WWOX: variants seen among roughly 807,000 people sequenced by gnomAD.
WWOX encodes WW domain-containing oxidoreductase.
A neutral mutation model predicts 46.2 loss-of-function variants in WWOX; 69 were observed. The ratio of observed to expected loss-of-function variants is 1.49; its 90% confidence interval spans 1.23 to 1.82. WWOX has a LOEUF of 1.82. Ranked by LOEUF, WWOX falls within the 40% of genes most tolerant of loss-of-function variation. WWOX has a pLI of 0.00. For synonymous variants in WWOX, 359 were observed against 202.6 expected (o/e 1.77, Z -6.56); for missense variants, 919 against 542.6 (o/e 1.69, Z -6.89).
intron 8 of WWOX, among the ~76,000 whole-genome samples, chr16:79,069,646 G>A (rs142880799): frequency 1.3e-5 from 2 of 150,100 alleles, no homozygotes; most frequent in African/African-American, 4.9e-5. Context: ...TTTCTGGACT[G>A]AAAAAAAATA....
At chr16:78,271,709 A>G (rs527325972) in intron 5 of WWOX, among the ~76,000 whole-genome samples, 3 of 152,206 alleles carry the variant, frequency 2.0e-5, no homozygotes, top group Non-Finnish European at 2.9e-5. Context: ...TAATTTTTCT[A>G]GCAGTGAAAA....
At chr16:78,557,428 G>T (rs972470514) in intron 8 of WWOX, among the ~76,000 whole-genome samples, 4 of 152,112 alleles carry the variant, frequency 2.6e-5, no homozygotes, top group African/African-American at 7.2e-5. Flanking sequence ...GCACGTGCAG[G>T]CACCATTCTA....
At chr16:78,580,838 T>C (rs1210601749) in intron 8 of WWOX, among the ~76,000 whole-genome samples, 1 of 152,238 alleles carries the variant, frequency 6.6e-6, no homozygotes, top group Non-Finnish European at 1.5e-5. Context: ...TCAACACCTA[T>C]GCCTCTTTCA....
chr16:78,323,467 T>C (rs948887197), intron 5 of WWOX, among the ~76,000 whole-genome samples: 2 of 151,782 alleles, frequency 1.3e-5, no homozygotes, highest in African/African-American at 4.8e-5. Context: ...TGATAAATTG[T>C]TATCAGGAGA....
At chr16:79,210,088 A>G (rs1427190083) in intron 8 of WWOX, among the ~76,000 whole-genome samples, 2 of 152,312 alleles carry the variant, frequency 1.3e-5, no homozygotes. Flanking sequence ...AGTATCATCA[A>G]GCAGCCAGTT....
intron 8 of WWOX, among the ~76,000 whole-genome samples, chr16:78,730,617 A>ATT (rs536906826): frequency 0.47 from 57,953 of 122,460 alleles, 15,632 homozygotes; most frequent in Non-Finnish European, 0.59. Flanking sequence ...ACGCCCGGCA[A>ATT]TTTTTTTTTT....
intron 8 of WWOX, chr16:79,004,836 C>G (rs1052318863): frequency 2.0e-5 from 3 of 152,218 alleles, no homozygotes; most frequent in Admixed American, 6.5e-5. Context: ...GGTTTTCCCT[C>G]AGCTTGCTGG....
At chr16:78,847,236 C>T (rs957549244) in intron 8 of WWOX, among the ~76,000 whole-genome samples, 1 of 152,168 alleles carries the variant, frequency 6.6e-6, no homozygotes, top group African/African-American at 2.4e-5. Context: ...AGTGTCATTG[C>T]TTCTAGAACT....
At chr16:78,882,402 T>A (rs2044361438) in intron 8 of WWOX, among the ~76,000 whole-genome samples, 1 of 152,028 alleles carries the variant, frequency 6.6e-6, no homozygotes, top group Non-Finnish European at 1.5e-5. Context: ...CTCTATTTTA[T>A]TACCTGTGCC....
chr16:79,066,864 G>A (rs1000598036), intron 8 of WWOX, among the ~76,000 whole-genome samples: 3 of 152,160 alleles, frequency 2.0e-5, no homozygotes, highest in African/African-American at 4.8e-5. Context: ...TGGCTGCCTC[G>A]ATTTCATTCC....
chr16:78,840,765 T>C (rs892359311), intron 8 of WWOX, among the ~76,000 whole-genome samples: 14 of 152,112 alleles, frequency 9.2e-5, no homozygotes, highest in Admixed American at 5.2e-4. Flanking sequence ...TATGTATATA[T>C]ATATGTGGTT....
At chr16:78,580,664 T>C (rs886521097) in intron 8 of WWOX, among the ~76,000 whole-genome samples, 4 of 152,220 alleles carry the variant, frequency 2.6e-5, no homozygotes, top group Non-Finnish European at 5.9e-5. Context: ...TGTAACACTA[T>C]CTTGTTTGCA....
chr16:79,123,683 T>A (rs1358890420), intron 8 of WWOX, among the ~76,000 whole-genome samples: 3 of 152,094 alleles, frequency 2.0e-5, no homozygotes, highest in Non-Finnish European at 4.4e-5. Context: ...CCAATTGCAA[T>A]CTGGACCCTT....
At chr16:78,205,787 C>A (rs537167907) in intron 5 of WWOX, among the ~76,000 whole-genome samples, 5 of 152,196 alleles carry the variant, frequency 3.3e-5, no homozygotes, top group Admixed American at 2.0e-4. Flanking sequence ...TATCCTTCAC[C>A]CATCTGGCCA....
At chr16:78,728,364 C>T (rs1269511222) in intron 8 of WWOX, among the ~76,000 whole-genome samples, 1 of 152,110 alleles carries the variant, frequency 6.6e-6, no homozygotes, top group African/African-American at 2.4e-5. Context: ...GGAGCCACCA[C>T]ACCTGGCCAT....
At position 78,966,977 on chromosome 16, in the gene WWOX, T is replaced by C. The variant is rs557416087; in HGVS notation, c.1057-244631T>C. 9.8e-5 allele frequency among the ~76,000 whole-genome samples: 15 copies of C among 152,326 alleles called. No homozygotes were observed. The South Asian group carries it at 3.1e-3, about 32-fold the overall frequency. On this transcript the variant is annotated intron_variant, in intron 8 of 8. Coordinates refer to ENST00000566780, the MANE Select transcript of WWOX (RefSeq NM_016373.4). ...TTCGTAAATACTGAGTTATTTCTTA[T>C]TAACATTTATTATTGTCTCCACTGG...
intron 8 of WWOX, among the ~76,000 whole-genome samples, chr16:78,699,194 T>C (rs987603319): frequency 1.3e-5 from 2 of 152,190 alleles, no homozygotes; most frequent in Middle Eastern, 3.2e-3. Context: ...CCATCAGCCA[T>C]AGTTTCCCAA....
At chr16:78,818,551 C>A (rs541215796) in intron 8 of WWOX, among the ~76,000 whole-genome samples, 1 of 152,132 alleles carries the variant, frequency 6.6e-6, no homozygotes, top group Non-Finnish European at 1.5e-5. Flanking sequence ...GCCAACACAG[C>A]GAGACCCAAT....
intron 8 of WWOX, among the ~76,000 whole-genome samples, chr16:78,848,562 C>T (rs1004734106): frequency 3.3e-5 from 5 of 152,174 alleles, no homozygotes; most frequent in Admixed American, 6.5e-5. Flanking sequence ...CCTAAGGGTA[C>T]GGGGAACCTG....
Sources: gnomAD v4.1 joint callset for allele counts (sites outside exome capture counted in the v4.1 genomes callset) on GRCh38, gnomAD v4.1.1 for gene constraint, MANE v1.5 for transcripts, NCBI Gene and HGNC (gene_info 2026-07-23, HGNC 2026-07-21) for gene names.